The following NRG3 variants were observed in gnomAD, a reference collection of about 807,000 sequenced individuals.
NRG3 encodes neuregulin 3, also known as pro-neuregulin-3, membrane-bound isoform.
NRG3 carries 31 observed loss-of-function variants against 66.9 expected under a neutral mutation model. That is an observed-to-expected ratio of 0.46 (90% confidence interval 0.35 to 0.63). The LOEUF is 0.63. NRG3 is among the 20% of genes least tolerant of loss of function. NRG3 has a pLI of 0.00. For synonymous variants in NRG3, 393 were observed against 359.4 expected (o/e 1.09, Z -1.06); for missense variants, 910 against 878.9 (o/e 1.04, Z -0.45).
rs1047585880 is a variant in NRG3 at position 82,349,600 on chromosome 10, G to C, written c.824-9139G>C. On this transcript the variant is annotated intron_variant, in intron 1 of 8. Coordinates refer to ENST00000372141, the MANE Select transcript of NRG3 (RefSeq NM_001010848.4). ...AGCTGTGGTGGGCTCCACCCAGTTC[G>C]AGCTTCCCGGCTGCTTTGTTTACCT... Among the ~76,000 whole-genome samples the C allele has an allele frequency of 3.3e-5, 5 of 152,092 alleles. No homozygotes were observed. In the Middle Eastern group the frequency reaches 0.014, roughly 414 times the overall value.
intron 1 of NRG3, among the ~76,000 whole-genome samples, chr10:81,894,794 C>G (rs1312748942): frequency 6.6e-6 from 1 of 151,914 alleles, no homozygotes; most frequent in Admixed American, 6.6e-5. Flanking sequence ...AGAAGAGACT[C>G]TGTTTCCAAG....
At chr10:82,031,474 C>T (rs139033450) in intron 1 of NRG3, among the ~76,000 whole-genome samples, 1 of 152,032 alleles carries the variant, frequency 6.6e-6, no homozygotes, top group Non-Finnish European at 1.5e-5. Context: ...TATCCAAGTG[C>T]CTGCACTTAT....
At chr10:81,927,318 T>C (rs1846904655) in intron 1 of NRG3, among the ~76,000 whole-genome samples, 1 of 152,142 alleles carries the variant, frequency 6.6e-6, no homozygotes, top group South Asian at 2.1e-4. Context: ...TTATTTTCTG[T>C]GTAAAGGAGA....
chr10:82,797,977 T>G (rs933397807), intron 3 of NRG3, among the ~76,000 whole-genome samples: 1 of 152,192 alleles, frequency 6.6e-6, no homozygotes, highest in Non-Finnish European at 1.5e-5. Context: ...TAATCATGAC[T>G]ACATTAAAAT....
At chr10:82,285,240 TA>T (rs2079351351) in intron 1 of NRG3, among the ~76,000 whole-genome samples, 1 of 152,160 alleles carries the variant, frequency 6.6e-6, no homozygotes, top group Non-Finnish European at 1.5e-5. Flanking sequence ...ACACAGTTAC[TA>T]AAAGAGCACC....
chr10:82,488,556 T>G (rs1396348021), intron 2 of NRG3, among the ~76,000 whole-genome samples: 1 of 152,228 alleles, frequency 6.6e-6, no homozygotes, highest in Non-Finnish European at 1.5e-5. Context: ...AGCTCCAACT[T>G]TAGTCTGAAT....
At chr10:81,876,535 A>G (rs1367743303) in intron 1 of NRG3, among the ~76,000 whole-genome samples, 1 of 152,114 alleles carries the variant, frequency 6.6e-6, no homozygotes, top group East Asian at 1.9e-4. Flanking sequence ...AGGGAGGGAG[A>G]GAGGGCCTTC....
intron 1 of NRG3, among the ~76,000 whole-genome samples, chr10:81,891,808 A>G (rs1218344285): frequency 6.6e-6 from 1 of 152,142 alleles, no homozygotes; most frequent in Admixed American, 6.5e-5. Context: ...CTAGAATTTC[A>G]GGCTCTTCTG....
intron 1 of NRG3, among the ~76,000 whole-genome samples, chr10:82,045,745 T>A: frequency 3.3e-5 from 1 of 30,742 alleles, no homozygotes; most frequent in African/African-American, 7.3e-5. Flanking sequence ...AATTTTTGTA[T>A]AAGGTGTAAA....
chr10:82,255,756 A>G (rs2077695528), intron 1 of NRG3, among the ~76,000 whole-genome samples: 1 of 147,444 alleles, frequency 6.8e-6, no homozygotes, highest in Admixed American at 6.8e-5. Context: ...GCATGCATCA[A>G]CCACACCTGG....
At chr10:82,407,928 G>A (rs1218618542) in intron 2 of NRG3, among the ~76,000 whole-genome samples, 2 of 151,690 alleles carry the variant, frequency 1.3e-5, no homozygotes, top group African/African-American at 4.8e-5. Context: ...AATTAGTCAG[G>A]CATGATGGTG....
At chr10:82,055,336 G>A (rs2063787186) in intron 1 of NRG3, among the ~76,000 whole-genome samples, 1 of 151,814 alleles carries the variant, frequency 6.6e-6, no homozygotes, top group African/African-American at 2.4e-5. Flanking sequence ...AAATAGCCAG[G>A]CATGGTGACA....
intron 2 of NRG3, among the ~76,000 whole-genome samples, chr10:82,723,106 G>A (rs1435068465): frequency 1.3e-5 from 2 of 152,170 alleles, no homozygotes; most frequent in Admixed American, 6.5e-5. Context: ...TAAGAAAAAT[G>A]AGGTAATATA....
Position 82,103,520 on chromosome 10 carries a change from A to C in NRG3, c.823+227357A>C, listed in dbSNP as rs150157826. On this transcript the variant is annotated intron_variant, in intron 1 of 8. Transcript: ENST00000372141. Reference sequence around the variant, plus strand: ...TTGTTACTCTATATTTGACTGTCCTAAAAATACATCACTCTTCTGTTATTC... The same window carrying C: ...TTGTTACTCTATATTTGACTGTCCTCAAAATACATCACTCTTCTGTTATTC... Among the ~76,000 whole-genome samples the C allele has an allele frequency of 9.8e-4, 149 of 152,264 alleles. 1 individual carries two copies. Among genetic ancestry groups the C allele is most frequent in the Non-Finnish European group, 1.7e-3 (119 of 68,030 alleles).
intron 1 of NRG3, among the ~76,000 whole-genome samples, chr10:81,995,511 A>G (rs1287498302): frequency 2.0e-5 from 3 of 152,152 alleles, no homozygotes; most frequent in Admixed American, 1.3e-4. Flanking sequence ...GTGGCTGTCT[A>G]TTCTGAGGGA....
intron 3 of NRG3, among the ~76,000 whole-genome samples, chr10:82,745,664 T>G (rs1466762316): frequency 2.0e-5 from 3 of 152,188 alleles, no homozygotes; most frequent in Non-Finnish European, 2.9e-5. Flanking sequence ...TATATTTGAT[T>G]GCTAATATCT....
At chr10:82,881,129 G>T (rs909593190) in intron 4 of NRG3, among the ~76,000 whole-genome samples, 1 of 152,184 alleles carries the variant, frequency 6.6e-6, no homozygotes, top group Non-Finnish European at 1.5e-5. Context: ...AGCAACTATG[G>T]TTGTTTAACA....
At chr10:82,545,345 T>G (rs2043820478) in intron 2 of NRG3, among the ~76,000 whole-genome samples, 1 of 151,996 alleles carries the variant, frequency 6.6e-6, no homozygotes, top group Non-Finnish European at 1.5e-5. Flanking sequence ...TAAATCTCCC[T>G]TCCAAATTTT....
At chr10:82,630,919 CTT>C (rs1386476894) in intron 2 of NRG3, among the ~76,000 whole-genome samples, 1 of 152,034 alleles carries the variant, frequency 6.6e-6, no homozygotes, top group Admixed American at 6.5e-5. Context: ...TTCACAAAGA[CTT>C]TTTTTCTTTA....
Sources: allele counts gnomAD v4.1 joint callset (sites outside exome capture counted in the v4.1 genomes callset), GRCh38; gene constraint gnomAD v4.1.1; transcripts MANE v1.5; gene names NCBI Gene and HGNC (gene_info 2026-07-23, HGNC 2026-07-21).